The following ULK1 variants were observed in gnomAD, a reference collection of about 807,000 sequenced individuals.
ULK1 encodes the protein serine/threonine-protein kinase ULK1.
ULK1 carries 48 observed loss-of-function variants against 117.5 expected under a neutral mutation model. The ratio of observed to expected loss-of-function variants is 0.41; its 90% confidence interval spans 0.32 to 0.52. The LOEUF (loss-of-function observed/expected upper bound fraction) is 0.52. ULK1 is among the 20% of genes least tolerant of loss of function. The probability of loss-of-function intolerance (pLI) is 0.29; values close to 1 mark genes in which losing one functional copy is unlikely to be tolerated. For missense variants in ULK1, 1,387 were observed against 1,473.4 expected (o/e 0.94, Z 0.96); for synonymous variants, 790 against 637.8 (o/e 1.24, Z -3.60).
rs1335999711 is a variant in ULK1, at chr12:131,913,314, A to C, written c.1157+56A>C. ...AGGGGAGAGAAACTGTGGCCTTGGA[A>C]GTGGCCCGTGTTATTTACAATGAGC... is the stretch of plus-strand genomic sequence containing the variant. On this transcript the variant is annotated intron_variant, in intron 14 of 27. Coordinates refer to ENST00000321867, the MANE Select transcript of ULK1 (RefSeq NM_003565.4). 2.0e-6 allele frequency: 3 copies of C among 1,472,424 alleles called. No homozygotes were observed. The East Asian group carries it at 8.0e-5, about 39-fold the overall frequency. The allele number at this position is 1,472,424 out of a possible 1,614,324, so 91.2% of individuals were successfully genotyped here. A position where few individuals can be genotyped will look rare whatever the true frequency, so the allele number is the denominator to read the frequency against.
At chr12:131,906,622 G>A (rs1181858907) in intron 3 of ULK1, 4 of 539,348 alleles carry the variant, frequency 7.4e-6, no homozygotes, top group Non-Finnish European at 1.3e-5. Context: ...CTTCCTGCTA[G>A]GGGGTATGTC....
rs1889328506 is a variant in ULK1 at position 131,907,613 on chromosome 12, G to T, written c.316+82G>T. On this transcript the variant is annotated intron_variant, in intron 5 of 27. Coordinates refer to ENST00000321867, the MANE Select transcript of ULK1 (RefSeq NM_003565.4). ...AGGGCCACACTGGCCCAGTCTGGGA[G>T]GCAGCCTGGCTCGAGTGGGTCCTTG... 18 of 1,523,496 alleles carry T rather than the reference G, an allele frequency of 1.2e-5. No homozygotes were observed. In the South Asian group the frequency reaches 1.9e-4, roughly 16 times the overall value. The allele number at this position is 1,523,496 out of a possible 1,614,324, so 94.4% of individuals were successfully genotyped here.
At position 131,909,307 on chromosome 12, in the gene ULK1, C is replaced by A. The variant is rs1222663428; in HGVS notation, c.666+70C>A. The A allele has an allele frequency of 8.8e-6, 13 of 1,471,820 alleles. No individual in the cohort carries two copies. In the Admixed American group the frequency reaches 3.0e-4, roughly 34 times the overall value. 91.2% of individuals were successfully genotyped at this position (1,471,820 alleles called of 1,614,324 possible). ...AGTGTCCGCCAGCTGCGGTCAGACG[C>A]CCCCTGCGAGCCCTGCCCGCGCCCC... On this transcript the variant is annotated intron_variant, in intron 8 of 27. Coordinates refer to ENST00000321867, the MANE Select transcript of ULK1 (RefSeq NM_003565.4).
At chr12:131,916,340 C>T in intron 19 of ULK1, 58 bp from the exon 20 acceptor site, 2 of 1,524,708 alleles carry the variant, frequency 1.3e-6, no homozygotes, top group Non-Finnish European at 1.8e-6. Context: ...TCCCCAGGCA[C>T]CGGGCCCCAG....
chr12:131,917,589 T>G, intron 22 of ULK1, 35 bp downstream of exon 22: 2 of 1,357,720 alleles, frequency 1.5e-6, no homozygotes, highest in Non-Finnish European at 9.5e-7. Context: ...CTGTCCCTTT[T>G]GGGGTGGTGG....
chr12:131,919,406 G>C, intron 24 of ULK1, 22 bp downstream of exon 24: 2 of 1,560,564 alleles, frequency 1.3e-6, no homozygotes, highest in Non-Finnish European at 1.7e-6. Flanking sequence ...CAGGGCTGGG[G>C]TGGGGCGGGT....
intron 15 of ULK1, 43 bp downstream of exon 15, chr12:131,913,879 C>T (rs1440819371): frequency 7.0e-7 from 1 of 1,433,884 alleles, no homozygotes; most frequent in Non-Finnish European, 9.2e-7. Context: ...TGTGAACAGT[C>T]CCCCGGCTGG....
In ULK1 at chr12:131,915,407, G is replaced by A. The variant is rs1889732119; in HGVS notation, c.1595G>A (p.Arg532Lys). The change falls in exon 18 of 28, where the codon AGG becomes AAG. Residue 532 changes from arginine (R) to lysine (K), a missense_variant. Arg to Lys is a conservative substitution (Grantham distance 26, BLOSUM62 2). Around this residue, in one of 4 missense-constraint regions of ULK1, gnomAD observed 900 missense variants for 858.9 expected, o/e 1.05. Transcript: ENST00000321867. ...SPQGAEMRGG[R>K]SPRPGSSAPE... The stretch of plus-strand genomic sequence containing the variant: ...CAGGGAGCTGAGATGCGGGGTGGCA[G>A]GTCCCCTCGTCCAGGTGGGTGCAGT... 7 of 1,612,682 alleles carry A rather than the reference G, an allele frequency of 4.3e-6. No homozygotes were observed. The highest frequency in any genetic ancestry group is 5.9e-6 in the Non-Finnish European group (7 of 1,179,966).
intron 11 of ULK1, 133 bp downstream of exon 11, chr12:131,910,437 G>A (rs1174424049): frequency 2.8e-6 from 4 of 1,408,232 alleles, no homozygotes; most frequent in Non-Finnish European, 4.0e-6. Context: ...GGGAGGGCAG[G>A]ACACCCGGCT....
chr12:131,917,146 CGGAGGCTGTGGGATGG>C lies in ULK1; in HGVS notation c.2182+87_2182+102del, dbSNP rs1889853609. 1.6e-5 allele frequency: 11 copies of C among 702,652 alleles called. 3 individuals carry two copies. In the South Asian group the frequency reaches 2.0e-4, roughly 13 times the overall value. The allele number at this position is 702,652 out of a possible 1,614,324, so 43.5% of individuals were successfully genotyped here. A position where few individuals can be genotyped will look rare whatever the true frequency, so the allele number is the denominator to read the frequency against. On this transcript the variant is annotated intron_variant, in intron 21 of 27. Transcript: ENST00000321867. ...GGGTCGGAGGCTGTGGGATGGGGGTCGGAGGCTGTGGGATGGGGCTCGAGGCTGTGGGATGGGGGTC... is the reference window on the plus strand; with the variant it reads ...GGGTCGGAGGCTGTGGGATGGGGGTCGGCTCGAGGCTGTGGGATGGGGGTC...
Position 131,910,758 on chromosome 12 carries a change from C to T in ULK1, c.906C>T (p.Ser302=), listed in dbSNP as rs1264483284. 25 of 1,612,774 alleles carry T rather than the reference C, an allele frequency of 1.6e-5. No homozygotes were observed. Among genetic ancestry groups the T allele is most frequent in the Non-Finnish European group, 2.1e-5 (25 of 1,179,908 alleles). ...CGTACCCAAGCTCGGGGTCCGGCAG[C>T]AGCTCCAGCAGCAGCTCCACCTCCC... ...VPSYPSSGSG[S]SSSSSSTSHL... is the part of the protein sequence containing the mutation. The change falls in exon 12 of 28, where the codon AGC becomes AGT. Residue 302 remains serine (S), a synonymous_variant. Coordinates refer to ENST00000321867, the MANE Select transcript of ULK1 (RefSeq NM_003565.4).
intron 4 of ULK1, 87 bp downstream of exon 4, chr12:131,907,011 G>A (rs1312371072): frequency 6.4e-7 from 1 of 1,569,132 alleles, no homozygotes; most frequent in East Asian, 2.2e-5. Flanking sequence ...TGGGGGGAGG[G>A]TGATGAGCAC....
intron 1 of ULK1, 25 bp downstream of exon 1, chr12:131,895,137 TC>T: frequency 6.8e-7 from 1 of 1,468,036 alleles, no homozygotes; most frequent in Non-Finnish European, 9.0e-7. Flanking sequence ...CGGCCCGGGA[TC>T]CCCCGCCCAG....
At chr12:131,906,629 T>A in intron 3 of ULK1, 1 of 556,268 alleles carries the variant, frequency 1.8e-6, no homozygotes, top group East Asian at 3.1e-5. Context: ...CTAGGGGGTA[T>A]GTCCTCTGCC....
chr12:131,896,439 GC>G (rs1294726940), intron 3 of ULK1: 3 of 155,668 alleles, frequency 1.9e-5, no homozygotes, highest in African/African-American at 7.2e-5. Flanking sequence ...GAGCCAGGGT[GC>G]CGTCCTGGGG....
chr12:131,921,560 G>C lies in ULK1; in HGVS notation c.*199G>C. 1 of 749,496 alleles carries C rather than the reference G, an allele frequency of 1.3e-6. No homozygotes were observed. Among genetic ancestry groups the C allele is most frequent in the Non-Finnish European group, 2.2e-6 (1 of 458,714 alleles). 46.4% of individuals were successfully genotyped at this position (749,496 alleles called of 1,614,324 possible). On this transcript the variant is annotated 3_prime_UTR_variant, in exon 28 of 28. Coordinates refer to ENST00000321867, the MANE Select transcript of ULK1 (RefSeq NM_003565.4). ...GCACATCTGGAGCCACACAGCTTGG[G>C]GGGTGTCTCCCATCTTTTACAGGTG...
At chr12:131,910,388 G>C in intron 11 of ULK1, 84 bp downstream of exon 11, 1 of 1,574,470 alleles carries the variant, frequency 6.4e-7, no homozygotes, top group South Asian at 1.1e-5. Flanking sequence ...ACTGAGTGTG[G>C]GGCAGAGGGA....
In ULK1 at chr12:131,907,538, G is replaced by A. The variant is rs1273839203; in HGVS notation, c.316+7G>A. On this transcript the variant is annotated splice_region_variant and intron_variant, in intron 5 of 27. Transcript: ENST00000321867. ...CTGGCCGACTACCTGCACGGTGAGT[G>A]CACAGCTGCGCCACCTGGGCTGCCA... is the stretch of plus-strand genomic sequence containing the variant. 5 of 1,610,102 alleles carry A rather than the reference G, an allele frequency of 3.1e-6. No homozygotes were observed. The highest frequency in any genetic ancestry group is 1.7e-5 in the Admixed American group (1 of 59,894).
chr12:131,913,064 C>A (rs761250068), intron 13 of ULK1, 134 bp from the exon 14 acceptor site: 1 of 793,574 alleles, frequency 1.3e-6, no homozygotes, highest in South Asian at 2.3e-5. Context: ...CTCTGCCCCC[C>A]GCAAGGCCGC....
Sources: allele counts gnomAD v4.1 joint callset, GRCh38; gene constraint gnomAD v4.1.1; regional missense constraint gnomAD v4.1.1; transcripts MANE v1.5; gene names NCBI Gene and HGNC (gene_info 2026-07-23, HGNC 2026-07-21).